COL15A1: variants seen among roughly 807,000 people sequenced by gnomAD.
The protein encoded by COL15A1 is collagen alpha-1(XV) chain.
In COL15A1, 111 loss-of-function variants were observed where a neutral mutation model predicts 165.9. The observed-to-expected ratio is 0.67, with a 90% CI of 0.57 to 0.78. The LOEUF (loss-of-function observed/expected upper bound fraction) is 0.78, where lower values mean the gene tolerates loss of function less well. Ranked by LOEUF, COL15A1 falls within the 30% of genes least tolerant of loss-of-function variation. The probability of loss-of-function intolerance (pLI) is 0.00; values close to 1 mark genes in which losing one functional copy is unlikely to be tolerated. For synonymous variants in COL15A1, 659 were observed against 674.8 expected (o/e 0.98, Z 0.36); for missense variants, 1,745 against 1,789.7 (o/e 0.98, Z 0.45).
chr9:99,033,654 C>G (rs980335501), intron 16 of COL15A1, among the ~76,000 whole-genome samples: 2 of 152,232 alleles, frequency 1.3e-5, no homozygotes, highest in African/African-American at 4.8e-5. Context: ...TATCCATTCT[C>G]TCATTTCCAT....
intron 41 of COL15A1, 102 bp from the exon 42 acceptor site, chr9:99,069,571 A>G: frequency 7.0e-7 from 1 of 1,431,232 alleles, no homozygotes; most frequent in Non-Finnish European, 9.6e-7. Context: ...ATCAGGGTTA[A>G]GGAGTTTAAC....
At chr9:98,995,732 G>T (rs1284738460) in intron 5 of COL15A1, among the ~76,000 whole-genome samples, 1 of 152,126 alleles carries the variant, frequency 6.6e-6, no homozygotes, top group African/African-American at 2.4e-5. Flanking sequence ...ATTGTCTCTG[G>T]GTGTTAGGAC....
chr9:99,015,293 G>A, intron 9 of COL15A1, 124 bp from the exon 10 acceptor site: 1 of 701,830 alleles, frequency 1.4e-6, no homozygotes, highest in East Asian at 2.5e-5. Flanking sequence ...GAGGAGCAAA[G>A]GAAAGGGAAT....
At chr9:98,983,312 T>C (rs931103242) in intron 2 of COL15A1, among the ~76,000 whole-genome samples, 74 of 152,162 alleles carry the variant, frequency 4.9e-4, no homozygotes, top group Non-Finnish European at 1.2e-4. Flanking sequence ...CTTGACTCCA[T>C]CCTTCTTGCT....
chr9:98,974,830 G>A (rs1052800703), intron 2 of COL15A1, among the ~76,000 whole-genome samples: 1 of 152,204 alleles, frequency 6.6e-6, no homozygotes, highest in African/African-American at 2.4e-5. Context: ...CTTTAGAGGC[G>A]TGTGTGGGAA....
chr9:99,040,788 G>C, intron 23 of COL15A1: 1 of 663,618 alleles, frequency 1.5e-6, no homozygotes, highest in Non-Finnish European at 2.4e-6. Context: ...CAAAGTGCTG[G>C]GATTACAAGC....
chr9:99,022,147 C>A lies in COL15A1; in HGVS notation c.1758C>A (p.Pro586=). 6.2e-7 allele frequency: 1 copy of A among 1,614,052 alleles called. No homozygotes were observed. The highest frequency in any genetic ancestry group is 8.5e-7 in the Non-Finnish European group (1 of 1,179,976). ...GPPEPSGPVG[P]TAGAEAEGSG... is the part of the protein sequence containing the mutation. ...CTGAACCTTCTGGGCCTGTTGGACCCACGGTGAGATTCCCATCCAGGCTTG... is the reference window on the plus strand; with the variant it reads ...CTGAACCTTCTGGGCCTGTTGGACCAACGGTGAGATTCCCATCCAGGCTTG... The change falls in exon 13 of 42, where the codon CCC becomes CCA. Residue 586 remains proline, a synonymous_variant. Transcript: ENST00000375001.
In COL15A1 at chr9:98,997,088, C is replaced by G; in HGVS notation, c.952+7C>G. ...CACAGCAGCCCCAAACAAGGCAAGT[C>G]CGGATGCACATGCCTACGTAGTGGC... On this transcript the variant is annotated splice_region_variant and intron_variant, in intron 6 of 41. Coordinates refer to ENST00000375001, the MANE Select transcript of COL15A1 (RefSeq NM_001855.5). 1.2e-6 allele frequency: 2 copies of G among 1,614,164 alleles called. No homozygotes were observed. The highest frequency in any genetic ancestry group is 1.3e-5 in the African/African-American group (1 of 75,064).
intron 5 of COL15A1, among the ~76,000 whole-genome samples, chr9:98,996,515 AG>A (rs1381850816): frequency 6.6e-6 from 1 of 152,198 alleles, no homozygotes; most frequent in Non-Finnish European, 1.5e-5. Flanking sequence ...TCATTTTCAT[AG>A]GTGTTTTCAT....
In COL15A1 at chr9:98,985,597, C is replaced by A. The variant is rs377632543; in HGVS notation, c.133C>A (p.Gln45Lys). Residue 45 changes from glutamine (Q) to lysine (K), a missense_variant, in exon 3 of 42, where the codon CAG becomes AAG. Gln to Lys is a moderately conservative substitution (Grantham distance 53). Transcript: ENST00000375001. ...TASQGHLDLT[Q>K]LIGVPLPSSV... ...TTCCCAGGGTCACCTGGACCTCACGCAGCTCATCGGTGTCCCGCTGCCCTC... is the reference window on the plus strand; with the variant it reads ...TTCCCAGGGTCACCTGGACCTCACGAAGCTCATCGGTGTCCCGCTGCCCTC... 3.0e-5 allele frequency: 48 copies of A among 1,613,944 alleles called. 1 individual carries two copies. Among genetic ancestry groups the A allele is most frequent in the Non-Finnish European group, 2.5e-5 (30 of 1,179,872 alleles).
intron 35 of COL15A1, among the ~76,000 whole-genome samples, chr9:99,057,866 G>T (rs1825747226): frequency 6.6e-6 from 1 of 152,212 alleles, no homozygotes; most frequent in African/African-American, 2.4e-5. Context: ...TACACAGGAG[G>T]TGACTTTGGG....
chr9:99,011,501 C>T (rs1411490334), intron 9 of COL15A1, among the ~76,000 whole-genome samples: 4 of 150,942 alleles, frequency 2.7e-5, no homozygotes, highest in Admixed American at 6.6e-5. Flanking sequence ...AGCTTTCTTA[C>T]CAAAATTACC....
Position 99,024,917 on chromosome 9 carries a change from C to T in COL15A1, c.1898C>T (p.Pro633Leu). Reference protein sequence around the residue: ...PPGPPGLPGIPGKPGTDVFMG... With the variant: ...PPGPPGLPGILGKPGTDVFMG... ...GGGCCACCTGGCTTACCTGGGATTC[C>T]AGGAAAACCAGGAACTGATGTTTTC... The change falls in exon 15 of 42, where the codon CCA becomes CTA. Residue 633 changes from proline (P) to leucine (L), a missense_variant. Transcript: ENST00000375001. 1 of 1,614,042 alleles carries T rather than the reference C, an allele frequency of 6.2e-7. No individual in the cohort carries two copies. Among genetic ancestry groups the T allele is most frequent in the Non-Finnish European group, 8.5e-7 (1 of 1,179,950 alleles).
chr9:98,989,292 C>T, intron 5 of COL15A1, 34 bp downstream of exon 5: 1 of 1,556,104 alleles, frequency 6.4e-7, no homozygotes. Flanking sequence ...TGTGATCTTG[C>T]TCAGCTTTTA....
intron 35 of COL15A1, 80 bp downstream of exon 35, chr9:99,056,484 C>T: frequency 6.7e-7 from 1 of 1,500,332 alleles, no homozygotes. Flanking sequence ...TGGCTTGTCA[C>T]AGCTGCACTG....
At chr9:98,957,971 A>G (rs1419936651) in intron 2 of COL15A1, among the ~76,000 whole-genome samples, 1 of 152,178 alleles carries the variant, frequency 6.6e-6, no homozygotes, top group Non-Finnish European at 1.5e-5. Context: ...TGCCACCAGC[A>G]CCTAGCCCTG....
intron 2 of COL15A1, 118 bp from the exon 3 acceptor site, chr9:98,985,447 C>A (rs773138176): frequency 6.7e-4 from 683 of 1,023,956 alleles, no homozygotes; most frequent in Non-Finnish European, 9.0e-4. Context: ...CATTTAGGAA[C>A]TACAGTTTCA....
At chr9:99,061,737 A>G (rs1251445063) in intron 36 of COL15A1, among the ~76,000 whole-genome samples, 1 of 152,200 alleles carries the variant, frequency 6.6e-6, no homozygotes, top group Non-Finnish European at 1.5e-5. Context: ...TTTTGTTTTA[A>G]TTCATTTATT....
intron 7 of COL15A1, among the ~76,000 whole-genome samples, chr9:99,001,712 C>T (rs1375150951): frequency 6.6e-6 from 1 of 152,130 alleles, no homozygotes; most frequent in Non-Finnish European, 1.5e-5. Flanking sequence ...CATGATCTCC[C>T]CATCCTCTAG....
Sources: allele counts gnomAD v4.1 joint callset (sites outside exome capture counted in the v4.1 genomes callset), GRCh38; gene constraint gnomAD v4.1.1; transcripts MANE v1.5; gene names NCBI Gene and HGNC (gene_info 2026-07-23, HGNC 2026-07-21).